LUZP1: variants seen among roughly 807,000 people sequenced by gnomAD.
LUZP1 encodes leucine zipper protein 1, also known as filamin mechanobinding actin cross-linking protein.
Under a neutral mutation model 71.3 loss-of-function variants are expected in LUZP1, and 25 were observed. The observed-to-expected ratio is 0.35, with a 90% CI of 0.26 to 0.49. The LOEUF (loss-of-function observed/expected upper bound fraction) is 0.49. Among genes scored for constraint, LUZP1 ranks in the 20% least tolerant of loss-of-function variants. LUZP1 has a pLI of 0.99. For missense variants in LUZP1, 1,142 were observed against 1,300.8 expected, an observed-to-expected ratio of 0.88 and a Z score of 1.88; for synonymous variants, 481 against 506.4, an observed-to-expected ratio of 0.95 and a Z score of 0.67.
intron 1 of LUZP1, among the ~76,000 whole-genome samples, chr1:23,174,443 G>A (rs185544687): frequency 3.9e-4 from 60 of 152,170 alleles, no homozygotes; most frequent in African/African-American, 1.3e-3. Context: ...ATATCTCCTG[G>A]AAATACTCAG....
intron 2 of LUZP1, among the ~76,000 whole-genome samples, chr1:23,125,205 C>T (rs1041382724): frequency 5.3e-5 from 8 of 152,108 alleles, no homozygotes; most frequent in African/African-American, 1.9e-4. Flanking sequence ...TGCTTACAAC[C>T]CGACAGTATC....
intron 2 of LUZP1, among the ~76,000 whole-genome samples, chr1:23,159,679 C>CA (rs774745659): frequency 5.9e-5 from 9 of 152,168 alleles, no homozygotes; most frequent in Non-Finnish European, 1.3e-4. Flanking sequence ...GTCACATAGC[C>CA]AATGGCTAAT....
At chr1:23,111,649 C>T (rs982034165) in intron 2 of LUZP1, among the ~76,000 whole-genome samples, 1 of 152,132 alleles carries the variant, frequency 6.6e-6, no homozygotes, top group African/African-American at 2.4e-5. Flanking sequence ...TCTCCACCCT[C>T]TGCTTTTAAA....
chr1:23,094,154 GT>G lies in LUZP1; in HGVS notation c.107del (p.Asn36ThrfsTer16). The G allele has an allele frequency of 1.9e-6, 3 of 1,614,158 alleles. No homozygotes were observed. Among genetic ancestry groups the G allele is most frequent in the Non-Finnish European group, 2.5e-6 (3 of 1,180,024 alleles). On this transcript the variant is annotated frameshift_variant, in exon 4 of 5. Transcript: ENST00000302291. LOFTEE classifies it high-confidence loss of function. This position sits in a 1 kb window ranked among gnomAD's most constrained non-coding sequence, Gnocchi z 4.7. ...GGAGTTCATCCTCTGCTTTCTGGAGGTTTTTTGTGGCTTCCTCCAACTCATC... is the reference window on the plus strand; with the variant it reads ...GGAGTTCATCCTCTGCTTTCTGGAGGTTTTTGTGGCTTCCTCCAACTCATC...
At chr1:23,147,171 T>C (rs1252594708) in intron 2 of LUZP1, among the ~76,000 whole-genome samples, 2 of 151,012 alleles carry the variant, frequency 1.3e-5, no homozygotes, top group Non-Finnish European at 2.9e-5. Context: ...CCTGGCACGG[T>C]GGCTCATGCC....
At chr1:23,155,754 G>A (rs755233374) in intron 2 of LUZP1, among the ~76,000 whole-genome samples, 4 of 151,992 alleles carry the variant, frequency 2.6e-5, no homozygotes, top group South Asian at 2.1e-4. Flanking sequence ...AGCCAAGATC[G>A]TGCCATTGCA....
chr1:23,150,753 AGAC>A (rs1311329588), intron 2 of LUZP1, among the ~76,000 whole-genome samples: 1 of 152,206 alleles, frequency 6.6e-6, no homozygotes, highest in Admixed American at 6.5e-5. Context: ...TGGATACCAC[AGAC>A]AACAAGTCTT....
chr1:23,174,618 T>A, intron 1 of LUZP1, among the ~76,000 whole-genome samples: 1 of 152,174 alleles, frequency 6.6e-6, no homozygotes, highest in East Asian at 1.9e-4. Context: ...CTTTCACTCA[T>A]TATATCTTTC....
intron 2 of LUZP1, among the ~76,000 whole-genome samples, chr1:23,112,231 T>A (rs902407857): frequency 3.9e-5 from 6 of 152,208 alleles, no homozygotes; most frequent in Non-Finnish European, 8.8e-5. Flanking sequence ...ACTGTAAACA[T>A]CCTCAAATTC....
chr1:23,172,278 G>A (rs1057143343), intron 1 of LUZP1, among the ~76,000 whole-genome samples: 2 of 152,170 alleles, frequency 1.3e-5, no homozygotes, highest in African/African-American at 4.8e-5. Context: ...GTAAGAGTAA[G>A]TTGCCGAATT....
intron 1 of LUZP1, among the ~76,000 whole-genome samples, chr1:23,175,781 AT>A (rs1285701822): frequency 6.6e-6 from 1 of 152,224 alleles, no homozygotes; most frequent in African/African-American, 2.4e-5. Flanking sequence ...CAATTACTTA[AT>A]AACAATTCCA....
chr1:23,092,565 GCTCCAATGGCCTTAGA>G lies in LUZP1; in HGVS notation c.1681_1696del (p.Ser561ProfsTer69). On this transcript the variant is annotated frameshift_variant, in exon 4 of 5. Coordinates refer to ENST00000302291, the Ensembl canonical transcript of LUZP1. LOFTEE classifies it high-confidence loss of function. Reference sequence around the variant, plus strand: ...GGAGGATCTTCGAGATGAGGCCAGGGCTCCAATGGCCTTAGAACAGCCAGAGTTTGCAGCCTGAGTT... The same window carrying G: ...GGAGGATCTTCGAGATGAGGCCAGGGACAGCCAGAGTTTGCAGCCTGAGTT... The G allele has an allele frequency of 6.2e-7, 1 of 1,614,150 alleles. No homozygotes were observed.
intron 2 of LUZP1, among the ~76,000 whole-genome samples, chr1:23,157,483 C>T (rs182032931): frequency 1.8e-3 from 278 of 151,882 alleles, no homozygotes; most frequent in Middle Eastern, 6.8e-3. Context: ...TCAAGATCAG[C>T]CTGGGTAACA....
At chr1:23,138,687 G>GTA (rs1187002233) in intron 2 of LUZP1, among the ~76,000 whole-genome samples, 1 of 105,998 alleles carries the variant, frequency 9.4e-6, no homozygotes, top group African/African-American at 5.7e-5. Flanking sequence ...GTGTGTGTGT[G>GTA]TGTGTGTGTG....
chr1:23,158,014 TA>T (rs766891195), intron 2 of LUZP1, among the ~76,000 whole-genome samples: 1 of 150,342 alleles, frequency 6.7e-6, no homozygotes, highest in African/African-American at 2.4e-5. Flanking sequence ...CCTGTCTCTT[TA>T]AAAAAAAAGG....
chr1:23,112,678 G>A (rs1644043382), intron 2 of LUZP1, among the ~76,000 whole-genome samples: 1 of 152,206 alleles, frequency 6.6e-6, no homozygotes, highest in Admixed American at 6.5e-5. Flanking sequence ...TTGGAAGAAA[G>A]GGCTGACATG....
chr1:23,100,409 T>TG (rs1290993108), intron 3 of LUZP1, among the ~76,000 whole-genome samples: 1 of 152,220 alleles, frequency 6.6e-6, no homozygotes, highest in East Asian at 1.9e-4. Context: ...TCCCTAGCCC[T>TG]GTGCCACTTG....
intron 3 of LUZP1, among the ~76,000 whole-genome samples, chr1:23,096,111 A>C (rs1234398617): frequency 7.0e-6 from 1 of 143,526 alleles, no homozygotes; most frequent in Non-Finnish European, 1.5e-5. Context: ...CCAATGTTTA[A>C]AGTCATAAAA....
intron 2 of LUZP1, chr1:23,164,085 T>C (rs1003963488): frequency 2.0e-5 from 3 of 152,072 alleles, no homozygotes; most frequent in Non-Finnish European, 4.4e-5. Context: ...AATTATTATT[T>C]CCTAATGGTA....
Sources: gnomAD v4.1 joint callset for allele counts (sites outside exome capture counted in the v4.1 genomes callset) on GRCh38, gnomAD v4.1.1 for gene constraint, Gnocchi (gnomAD v3.1) non-coding constraint, MANE v1.5 for transcripts, NCBI Gene and HGNC (gene_info 2026-07-23, HGNC 2026-07-21) for gene names.